The following CCBE1 variants were observed in gnomAD, a reference collection of about 807,000 sequenced individuals.
CCBE1 encodes the protein collagen and calcium binding EGF domains 1.
In CCBE1, 37 loss-of-function variants were observed where a neutral mutation model predicts 50.0. The ratio of observed to expected loss-of-function variants is 0.74; its 90% CI spans 0.57 to 0.97. The LOEUF (loss-of-function observed/expected upper bound fraction) is 0.97. Ranked by LOEUF, CCBE1 falls within the 50% of genes least tolerant of loss-of-function variation. The pLI is 0.00. For missense variants in CCBE1, 538 were observed against 523.8 expected (o/e 1.03, Z -0.26); for synonymous variants, 234 against 203.7 (o/e 1.15, Z -1.27).
chr18:59,528,681 T>C (rs1914925255), intron 2 of CCBE1, among the ~76,000 whole-genome samples: 1 of 152,200 alleles, frequency 6.6e-6, no homozygotes. Context: ...ACTGTTGTTA[T>C]TGCTGTTTGT....
chr18:59,543,497 T>G (rs1915549350), intron 2 of CCBE1, among the ~76,000 whole-genome samples: 1 of 152,110 alleles, frequency 6.6e-6, no homozygotes, highest in Admixed American at 6.5e-5. Context: ...CTGGTTAAGT[T>G]GAAGACAAGG....
At chr18:59,476,754 T>C (rs746929280) in intron 3 of CCBE1, among the ~76,000 whole-genome samples, 4 of 152,224 alleles carry the variant, frequency 2.6e-5, no homozygotes, top group Non-Finnish European at 4.4e-5. Context: ...CCATCTGTGA[T>C]GGTTAGTGCT....
chr18:59,466,629 A>G, intron 5 of CCBE1, 110 bp downstream of exon 5: 3 of 471,964 alleles, frequency 6.4e-6, no homozygotes, highest in African/African-American at 2.1e-5. Flanking sequence ...ATATATTTAT[A>G]TATACAATTA....
At chr18:59,450,164 A>G (rs1480046022) in intron 6 of CCBE1, among the ~76,000 whole-genome samples, 1 of 152,194 alleles carries the variant, frequency 6.6e-6, no homozygotes, top group Non-Finnish European at 1.5e-5. Flanking sequence ...TTTATCTCAT[A>G]TTAGCCTTTG....
chr18:59,697,460 T>C, upstream of CCBE1: 1 of 1,344,214 alleles, frequency 7.4e-7, no homozygotes, highest in East Asian at 2.5e-5. Flanking sequence ...AGCAGGGGCG[T>C]TTGCACCACC....
intron 2 of CCBE1, among the ~76,000 whole-genome samples, chr18:59,537,396 GAT>G (rs949462796): frequency 5.9e-5 from 9 of 152,132 alleles, no homozygotes; most frequent in Non-Finnish European, 1.2e-4. Flanking sequence ...CCTGGTGAAA[GAT>G]AATTGAATCA....
intron 2 of CCBE1, among the ~76,000 whole-genome samples, chr18:59,572,216 C>CAA (rs2052924874): frequency 6.6e-6 from 1 of 152,194 alleles, no homozygotes; most frequent in Non-Finnish European, 1.5e-5. Context: ...CTTGCACTAT[C>CAA]AAATCAATCC....
chr18:59,463,003 A>T (rs1299439610), intron 5 of CCBE1, among the ~76,000 whole-genome samples: 1 of 152,262 alleles, frequency 6.6e-6, no homozygotes, highest in Non-Finnish European at 1.5e-5. Flanking sequence ...CACAGAGGTC[A>T]CACTGGTCAT....
At chr18:59,621,119 C>T (rs1486697062) in intron 2 of CCBE1, among the ~76,000 whole-genome samples, 1 of 152,176 alleles carries the variant, frequency 6.6e-6, no homozygotes, top group African/African-American at 2.4e-5. Context: ...CCCAGGACTC[C>T]AGCAAAACAG....
intron 2 of CCBE1, among the ~76,000 whole-genome samples, chr18:59,581,121 A>G (rs1051949576): frequency 2.0e-5 from 3 of 152,166 alleles, no homozygotes; most frequent in Non-Finnish European, 4.4e-5. Flanking sequence ...AACTTATCAG[A>G]CAGAGTTTTA....
intron 2 of CCBE1, among the ~76,000 whole-genome samples, chr18:59,526,084 A>G (rs1914807748): frequency 6.6e-6 from 1 of 152,138 alleles, no homozygotes; most frequent in South Asian, 2.1e-4. Flanking sequence ...TTTTGGTTCT[A>G]TATGAATTTT....
intron 2 of CCBE1, among the ~76,000 whole-genome samples, chr18:59,676,411 T>C (rs927473662): frequency 2.6e-5 from 4 of 152,224 alleles, no homozygotes; most frequent in Admixed American, 6.5e-5. Context: ...GCCAGCTCTA[T>C]TTCATATGTC....
rs138469167 is a variant in CCBE1 at position 59,649,847 on chromosome 18, A to G, written c.212+46782T>C. Among the ~76,000 whole-genome samples the G allele has an allele frequency of 7.4e-3, 1,130 of 152,222 alleles. 7 individuals carry two copies. The highest frequency in any genetic ancestry group is 0.025 in the African/African-American group (1,039 of 41,532). On this transcript the variant is annotated intron_variant, in intron 2 of 10. Coordinates refer to ENST00000439986, the MANE Select transcript of CCBE1 (RefSeq NM_133459.4). ...GGGCCATCCCAGTTTAGGTGCTGACACTCCAAGAGTCACTAGGCTGGGGCT... is the reference window on the plus strand; with the variant it reads ...GGGCCATCCCAGTTTAGGTGCTGACGCTCCAAGAGTCACTAGGCTGGGGCT...
At chr18:59,668,274 C>A (rs928138886) in intron 2 of CCBE1, among the ~76,000 whole-genome samples, 3 of 151,934 alleles carry the variant, frequency 2.0e-5, no homozygotes, top group Non-Finnish European at 4.4e-5. Context: ...AAAAATTAGC[C>A]GGGCATAGTG....
intron 2 of CCBE1, among the ~76,000 whole-genome samples, chr18:59,690,558 G>A (rs1183043422): frequency 6.6e-6 from 1 of 152,172 alleles, no homozygotes; most frequent in Non-Finnish European, 1.5e-5. Context: ...CAAGAAAGAG[G>A]CATTTGGCTT....
intron 2 of CCBE1, among the ~76,000 whole-genome samples, chr18:59,516,064 T>C (rs1914356409): frequency 6.6e-6 from 1 of 152,150 alleles, no homozygotes; most frequent in African/African-American, 2.4e-5. Flanking sequence ...GTTCAAGCGA[T>C]TCTTTTGCTC....
intron 2 of CCBE1, among the ~76,000 whole-genome samples, chr18:59,533,517 A>G (rs1004304576): frequency 1.3e-5 from 2 of 152,216 alleles, no homozygotes; most frequent in East Asian, 3.8e-4. Context: ...GACTATGTAT[A>G]ACTCTTATGT....
intron 2 of CCBE1, among the ~76,000 whole-genome samples, chr18:59,513,113 G>C (rs1220641965): frequency 6.6e-6 from 1 of 152,176 alleles, no homozygotes; most frequent in South Asian, 2.1e-4. Context: ...CTCGAGACCA[G>C]CCCAGCCAAC....
At chr18:59,592,755 T>A (rs914129563) in intron 2 of CCBE1, among the ~76,000 whole-genome samples, 2 of 152,178 alleles carry the variant, frequency 1.3e-5, no homozygotes, top group African/African-American at 4.8e-5. Flanking sequence ...TATAGTTTTG[T>A]TTAGTTTTGC....
Sources: gnomAD v4.1 joint callset for allele counts (sites outside exome capture counted in the v4.1 genomes callset) on GRCh38, gnomAD v4.1.1 for gene constraint, MANE v1.5 for transcripts, NCBI Gene and HGNC (gene_info 2026-07-23, HGNC 2026-07-21) for gene names.